The following MYH9 variants were observed in gnomAD, a reference collection of about 807,000 sequenced individuals.
The protein encoded by MYH9 is myosin-9.
Under a neutral mutation model 241.9 loss-of-function variants are expected in MYH9, and 29 were observed. The observed-to-expected ratio is 0.12, with a 90% CI of 0.09 to 0.16. MYH9 has a LOEUF of 0.16. Among genes scored for constraint, MYH9 ranks in the 10% least tolerant of loss-of-function variants. The pLI is 1.00. For synonymous variants in MYH9, 1,047 were observed against 1,062.6 expected (o/e 0.99, Z 0.29); for missense variants, 1,803 against 2,595.5 (o/e 0.69, Z 6.63).
chr22:36,309,533 C>T (rs1255658102), intron 14 of MYH9, 137 bp from the exon 15 acceptor site: 1 of 707,380 alleles, frequency 1.4e-6, no homozygotes, highest in African/African-American at 1.7e-5. Context: ...ATTTCCACCC[C>T]TAAGAAGGAA....
intron 1 of MYH9, among the ~76,000 whole-genome samples, chr22:36,361,458 C>T (rs1469344941): frequency 6.6e-6 from 1 of 152,152 alleles, no homozygotes; most frequent in Non-Finnish European, 1.5e-5. Flanking sequence ...CTTTGCCTGG[C>T]ACCGAAGGAA....
intron 12 of MYH9, among the ~76,000 whole-genome samples, chr22:36,315,560 C>A (rs1309243683): frequency 1.3e-5 from 2 of 152,078 alleles, no homozygotes; most frequent in African/African-American, 4.8e-5. Flanking sequence ...CCAGCCTGGA[C>A]AACATGGCAA....
intron 14 of MYH9, among the ~76,000 whole-genome samples, chr22:36,311,037 T>C (rs540528824): frequency 6.6e-6 from 1 of 152,332 alleles, no homozygotes; most frequent in African/African-American, 2.4e-5. Flanking sequence ...CCTGGACTCC[T>C]TGTGGCTTGG....
intron 1 of MYH9, among the ~76,000 whole-genome samples, chr22:36,369,402 AGGCAGGAAACAGTGGGC>A (rs2018058405): frequency 6.6e-6 from 1 of 152,240 alleles, no homozygotes; most frequent in Non-Finnish European, 1.5e-5. Context: ...GCCCTGGCAA[AGGCAGGAAACAGTGGGC>A]GGCAGGCCGG....
At chr22:36,373,726 T>G (rs2018122573) in intron 1 of MYH9, among the ~76,000 whole-genome samples, 1 of 152,174 alleles carries the variant, frequency 6.6e-6, no homozygotes. Flanking sequence ...AGATCTAGAA[T>G]AGATGTACTG....
chr22:36,353,601 G>A lies in MYH9; in HGVS notation c.-19-4346C>T, dbSNP rs185298192. Among the ~76,000 whole-genome samples the A allele has an allele frequency of 3.9e-5, 6 of 152,236 alleles. No individual in the cohort carries two copies. In the East Asian group the frequency reaches 7.7e-4, roughly 20 times the overall value. Reference sequence around the variant, plus strand: ...ACTCTTGACCTCAGGTGATCTGCCCGCCTTGGACTCCCAGAGTGCTGGGAT... The same window carrying A: ...ACTCTTGACCTCAGGTGATCTGCCCACCTTGGACTCCCAGAGTGCTGGGAT... On this transcript the variant is annotated intron_variant, in intron 1 of 40. Coordinates refer to ENST00000216181, the MANE Select transcript of MYH9 (RefSeq NM_002473.6).
intron 31 of MYH9, among the ~76,000 whole-genome samples, chr22:36,290,705 C>T (rs1040883567): frequency 1.4e-5 from 2 of 146,870 alleles, no homozygotes; most frequent in Non-Finnish European, 3.0e-5. Context: ...AGGTGAGGAG[C>T]GCCTCTTCCC....
intron 4 of MYH9, 127 bp from the exon 5 acceptor site, chr22:36,326,788 G>T: frequency 1.3e-6 from 1 of 769,824 alleles, no homozygotes; most frequent in Non-Finnish European, 2.2e-6. Flanking sequence ...ACGTGTGGCA[G>T]AAAACGGGAC....
chr22:36,335,506 G>A (rs1013685953), intron 3 of MYH9, among the ~76,000 whole-genome samples: 23 of 152,216 alleles, frequency 1.5e-4, no homozygotes, highest in African/African-American at 4.8e-4. Flanking sequence ...TGCCTGTCCC[G>A]GTGAGTCGAT....
chr22:36,365,751 G>A (rs543304758), intron 1 of MYH9, among the ~76,000 whole-genome samples: 5 of 152,228 alleles, frequency 3.3e-5, no homozygotes, highest in South Asian at 2.1e-4. Context: ...ATGAGCCACC[G>A]CACCCGGCCT....
Position 36,326,675 on chromosome 22 carries a change from C to T in MYH9, c.519-14G>A, listed in dbSNP as rs1447707478. The T allele has an allele frequency of 6.2e-7, 1 of 1,611,752 alleles. No individual in the cohort carries two copies. The highest frequency in any genetic ancestry group is 8.5e-7 in the Non-Finnish European group (1 of 1,177,872). On this transcript the variant is annotated splice_polypyrimidine_tract_variant and intron_variant, in intron 4 of 40. Transcript: ENST00000216181. ...CCAGATTCACCACTACCAAGAGAGG[C>T]AAGGAAGTCCCGGGCTTAGGCATGG...
Position 36,305,759 on chromosome 22 carries a change from A to G in MYH9, c.2159+171T>C, listed in dbSNP as rs1312991885. ...AAATGGGGAAGTCTCCTTTCCTGCAAAGGGTGGAAAAGAGAAGGAGGTGGG... is the reference window on the plus strand; with the variant it reads ...AAATGGGGAAGTCTCCTTTCCTGCAGAGGGTGGAAAAGAGAAGGAGGTGGG... On this transcript the variant is annotated intron_variant, in intron 17 of 40. Coordinates refer to ENST00000216181, the MANE Select transcript of MYH9 (RefSeq NM_002473.6). This position sits in a 1 kb window ranked among gnomAD's most constrained non-coding sequence, Gnocchi z 4.7. Among the ~76,000 whole-genome samples the G allele has an allele frequency of 6.6e-6, 1 of 152,204 alleles. No individual in the cohort carries two copies. The highest frequency in any genetic ancestry group is 1.5e-5 in the Non-Finnish European group (1 of 68,030).
intron 2 of MYH9, among the ~76,000 whole-genome samples, chr22:36,347,765 C>G (rs1446947504): frequency 7.2e-6 from 1 of 139,450 alleles, no homozygotes; most frequent in Non-Finnish European, 1.5e-5. Context: ...GTCAGGAGTT[C>G]GAGACCAGAC....
At chr22:36,362,754 G>A (rs1260417275) in intron 1 of MYH9, among the ~76,000 whole-genome samples, 1 of 152,172 alleles carries the variant, frequency 6.6e-6, no homozygotes, top group African/African-American at 2.4e-5. Context: ...GGGATTACAG[G>A]CATGAGCCAC....
rs572865227 is a variant in MYH9, at chr22:36,309,440, CAT to C, written c.1729-46_1729-45del. ...CAGGAGTCACAAGCTGCGCTGGGGA[CAT>C]GTGTGCTCACAGGGTCTCCGGAGCA... On this transcript the variant is annotated intron_variant, in intron 14 of 40. Coordinates refer to ENST00000216181, the MANE Select transcript of MYH9 (RefSeq NM_002473.6). 1.8e-4 allele frequency: 257 copies of C among 1,448,268 alleles called. 2 individuals are homozygous for C. The African/African-American group carries it at 3.3e-3, about 19-fold the overall frequency. 89.7% of individuals were successfully genotyped at this position (1,448,268 alleles called of 1,614,324 possible).
chr22:36,294,354 G>T, intron 27 of MYH9, 56 bp from the exon 28 acceptor site: 1 of 1,575,202 alleles, frequency 6.3e-7, no homozygotes, highest in Non-Finnish European at 8.7e-7. Flanking sequence ...AAGGCTGGCT[G>T]GTCTATCATC....
rs369853878 is a variant in MYH9 at position 36,293,507 on chromosome 22, G to C, written c.3943-26C>G. ...CTACTCGCGGGTTGAGAGGGGTGCG[G>C]GTGCTTAGGAGGGTGGTGTCCAAAA... is the stretch of plus-strand genomic sequence containing the variant. On this transcript the variant is annotated intron_variant, in intron 29 of 40. Transcript: ENST00000216181. The surrounding 1 kb of genome is among the most constrained non-coding windows in gnomAD (Gnocchi z 5.1). 6.2e-7 allele frequency: 1 copy of C among 1,611,190 alleles called. No homozygotes were observed.
intron 1 of MYH9, among the ~76,000 whole-genome samples, chr22:36,387,293 G>A (rs1468894129): frequency 1.3e-5 from 2 of 152,228 alleles, no homozygotes; most frequent in African/African-American, 4.8e-5. Context: ...AGGACGCCCT[G>A]ACAGCTGCCA....
At position 36,299,081 on chromosome 22, in the gene MYH9, G is replaced by T. The variant is rs1393960269; in HGVS notation, c.2977-39C>A. ...AGTAGGCTGGCATTTAGTGTTGGTT[G>T]AGCACAGAACACTTGCTAGCCTCAA... On this transcript the variant is annotated intron_variant, in intron 23 of 40. Coordinates refer to ENST00000216181, the MANE Select transcript of MYH9 (RefSeq NM_002473.6). 3.7e-6 allele frequency: 6 copies of T among 1,613,094 alleles called. No homozygotes were observed. The African/African-American group carries it at 5.3e-5, about 14-fold the overall frequency.
Sources: gnomAD v4.1 joint callset for allele counts (sites outside exome capture counted in the v4.1 genomes callset) on GRCh38, gnomAD v4.1.1 for gene constraint, Gnocchi (gnomAD v3.1) non-coding constraint, MANE v1.5 for transcripts, NCBI Gene and HGNC (gene_info 2026-07-23, HGNC 2026-07-21) for gene names.